The following VEGFD variants were observed in gnomAD, a reference collection of about 807,000 sequenced individuals.
VEGFD encodes the protein vascular endothelial growth factor D, also known as c-fos induced growth factor (vascular endothelial growth factor D).
VEGFD carries 26 observed loss-of-function variants against 28.0 expected under a neutral mutation model. That is an observed-to-expected ratio of 0.93 (90% confidence interval 0.68 to 1.29). The LOEUF (loss-of-function observed/expected upper bound fraction) is 1.29. Ranked by LOEUF, VEGFD falls within the 50% of genes most tolerant of loss-of-function variation. VEGFD has a pLI of 0.00. For missense variants in VEGFD, 294 were observed against 273.4 expected, an observed-to-expected ratio of 1.08 and a Z score of -0.53; for synonymous variants, 93 against 95.5, an observed-to-expected ratio of 0.97 and a Z score of 0.15.
intron 1 of VEGFD, among the ~76,000 whole-genome samples, chrX:15,379,787 G>T (rs995683079): frequency 1.8e-5 from 2 of 111,945 alleles, no homozygotes; most frequent in Non-Finnish European, 3.8e-5. Flanking sequence ...ATTACCTCAA[G>T]TTCTACATGG....
At chrX:15,366,390 A>G (rs1475421016) in intron 1 of VEGFD, among the ~76,000 whole-genome samples, 1 of 112,026 alleles carries the variant, frequency 8.9e-6, no homozygotes, top group Non-Finnish European at 1.9e-5. Context: ...ATTTCTTCAA[A>G]TTATTTTAGA....
chrX:15,365,214 C>A (rs1438221326), intron 1 of VEGFD, among the ~76,000 whole-genome samples: 4 of 111,685 alleles, frequency 3.6e-5, no homozygotes, highest in Admixed American at 9.5e-5. Context: ...CTCACTGCAA[C>A]CTCAGCCTCC....
intron 2 of VEGFD, 88 bp downstream of exon 2, chrX:15,363,021 C>G: frequency 2.4e-6 from 2 of 843,832 alleles, no homozygotes; most frequent in Non-Finnish European, 1.7e-6. Context: ...TGACACGTGT[C>G]TGCCCTACGC....
intron 1 of VEGFD, among the ~76,000 whole-genome samples, chrX:15,367,412 T>C (rs979733132): frequency 1.8e-5 from 2 of 112,183 alleles, no homozygotes; most frequent in African/African-American, 6.5e-5. Flanking sequence ...CAATTGCTAA[T>C]GTCTCTGGCA....
Position 15,361,926 on chromosome X carries a change from T to C in VEGFD, c.301+1183A>G, listed in dbSNP as rs1475093735. Among the ~76,000 whole-genome samples, 3 of 111,962 alleles carry C rather than the reference T, an allele frequency of 2.7e-5. No homozygotes were observed. In the East Asian group the frequency reaches 8.4e-4, roughly 31 times the overall value. The stretch of plus-strand genomic sequence containing the variant: ...TCTTGTTGCCCAGGTTGGAGTGCAA[T>C]GGTGCAATCTTGGCTCACTGCAACC... On this transcript the variant is annotated intron_variant, in intron 2 of 6. Coordinates refer to ENST00000297904, the MANE Select transcript of VEGFD (RefSeq NM_004469.5).
chrX:15,378,322 A>G (rs781694789), intron 1 of VEGFD, among the ~76,000 whole-genome samples: 1 of 112,300 alleles, frequency 8.9e-6, no homozygotes, highest in Non-Finnish European at 1.9e-5. Context: ...CAGGGTGAAT[A>G]TACTGCCTTA....
chrX:15,371,341 G>T (rs185611538), intron 1 of VEGFD, among the ~76,000 whole-genome samples: 3 of 111,726 alleles, frequency 2.7e-5, no homozygotes, highest in African/African-American at 9.7e-5. Context: ...TAACATGCAG[G>T]TTAAACAAGA....
chrX:15,347,488 G>A (rs1922585536), intron 5 of VEGFD, 129 bp from the exon 6 acceptor site: 1 of 451,239 alleles, frequency 2.2e-6, no homozygotes, highest in East Asian at 4.0e-5. Context: ...ATAGATTTAT[G>A]CCCCTAATTT....
intron 1 of VEGFD, among the ~76,000 whole-genome samples, chrX:15,368,035 G>GAAAGAAAGAAAGGAAAGAAGA (rs778478507): frequency 5.3e-5 from 2 of 37,455 alleles, no homozygotes; most frequent in African/African-American, 2.3e-4. Flanking sequence ...AGAAAGGAAA[G>GAAAGAAAGAAAGGAAAGAAGA]AAGAAAGAAA....
chrX:15,364,437 C>G (rs1227809878), intron 1 of VEGFD, among the ~76,000 whole-genome samples: 1 of 111,369 alleles, frequency 9.0e-6, no homozygotes, highest in Non-Finnish European at 1.9e-5. Flanking sequence ...GCCTCTTGTT[C>G]AAAATTGGGG....
intron 6 of VEGFD, 105 bp from the exon 7 acceptor site, chrX:15,346,364 G>T: frequency 1.1e-6 from 1 of 927,218 alleles, no homozygotes; most frequent in Non-Finnish European, 1.5e-6. Flanking sequence ...TATTTAAAAT[G>T]TCAGTATAAA....
At chrX:15,360,709 G>A (rs1282103276) in intron 2 of VEGFD, among the ~76,000 whole-genome samples, 1 of 111,931 alleles carries the variant, frequency 8.9e-6, no homozygotes, top group African/African-American at 3.2e-5. Context: ...ACACATGAGA[G>A]ATAAATTACT....
intron 1 of VEGFD, among the ~76,000 whole-genome samples, chrX:15,373,844 A>G (rs777562680): frequency 9.9e-5 from 11 of 111,078 alleles, no homozygotes; most frequent in Non-Finnish European, 2.1e-4. Context: ...TTCAAGCTCA[A>G]CCAAAACCAC....
intron 2 of VEGFD, among the ~76,000 whole-genome samples, chrX:15,361,418 T>C (rs1460420983): frequency 9.0e-6 from 1 of 111,654 alleles, no homozygotes; most frequent in Non-Finnish European, 1.9e-5. Context: ...TCCTACCACA[T>C]CAACTCACTT....
At chrX:15,378,117 G>A (rs1396160166) in intron 1 of VEGFD, among the ~76,000 whole-genome samples, 2 of 111,983 alleles carry the variant, frequency 1.8e-5, no homozygotes, top group African/African-American at 3.2e-5. Context: ...CCAGACCCCT[G>A]TGCAGCCAAA....
chrX:15,375,150 A>C (rs1412208087), intron 1 of VEGFD, among the ~76,000 whole-genome samples: 2 of 111,786 alleles, frequency 1.8e-5, no homozygotes, highest in East Asian at 5.6e-4. Flanking sequence ...AAACATTAAA[A>C]AATTTTTTAA....
Position 15,353,144 on chromosome X carries a change from A to G in VEGFD, c.666T>C (p.Cys222=). 1 of 1,167,893 alleles carries G rather than the reference A, an allele frequency of 8.6e-7. No individual in the cohort carries two copies. The highest frequency in any genetic ancestry group is 1.2e-6 in the Non-Finnish European group (1 of 867,598). The change falls in exon 5 of 7, where the codon TGT becomes TGC. Residue 222 remains cysteine, a synonymous_variant. Coordinates refer to ENST00000297904, the MANE Select transcript of VEGFD (RefSeq NM_004469.5). ...TGCTATCCCATAGCATGTCAATAGG[A>G]CAGAGTTTCTTGGAATGGGAACAGC... The part of the protein sequence containing the change: ...EDRCSHSKKL[C]PIDMLWDSNK...
chrX:15,347,427 G>A (rs1466556271), intron 5 of VEGFD, 68 bp from the exon 6 acceptor site: 1 of 893,138 alleles, frequency 1.1e-6, no homozygotes, highest in Admixed American at 2.8e-5. Context: ...AAAGTTGATT[G>A]TATCTTTTAT....
At chrX:15,367,994 GAA>G (rs1387147581) in intron 1 of VEGFD, among the ~76,000 whole-genome samples, 1 of 76,727 alleles carries the variant, frequency 1.3e-5, no homozygotes, top group East Asian at 3.7e-4. Flanking sequence ...GAAAAAGAAA[GAA>G]AGAAAGAAAG....
Sources: allele counts gnomAD v4.1 joint callset (sites outside exome capture counted in the v4.1 genomes callset), GRCh38; gene constraint gnomAD v4.1.1; transcripts MANE v1.5; gene names NCBI Gene and HGNC (gene_info 2026-07-23, HGNC 2026-07-21).